MAF: variants seen among roughly 807,000 people sequenced by gnomAD.
MAF encodes the protein transcription factor Maf.
A neutral mutation model predicts 22.0 loss-of-function variants in MAF; 10 were observed. That is an observed-to-expected ratio of 0.45 (90% CI 0.28 to 0.77). The LOEUF is 0.77. Ranked by LOEUF, MAF falls within the 30% of genes least tolerant of loss-of-function variation. The pLI is 0.12. For missense variants in MAF, 544 were observed against 548.4 expected, an observed-to-expected ratio of 0.99 and a Z score of 0.08; for synonymous variants, 337 against 255.8, an observed-to-expected ratio of 1.32 and a Z score of -3.03.
At chr16:79,520,387 T>C in the MAF span, among the ~76,000 whole-genome samples, 4 of 152,162 alleles carry the variant, frequency 2.6e-5, no homozygotes, top group African/African-American at 7.2e-5. Context: ...CTCCTTCTCA[T>C]CACCAGGAGC....
chr16:79,402,016 A>C, the MAF span, among the ~76,000 whole-genome samples: 1 of 152,150 alleles, frequency 6.6e-6, no homozygotes, highest in Non-Finnish European at 1.5e-5. Context: ...TAAATGCCCA[A>C]AGTCACACAG....
chr16:79,503,973 T>G, the MAF span, among the ~76,000 whole-genome samples: 1 of 152,248 alleles, frequency 6.6e-6, no homozygotes, highest in Non-Finnish European at 1.5e-5. Context: ...GTCTGTAACA[T>G]GTTAACTGTT....
the MAF span, among the ~76,000 whole-genome samples, chr16:79,456,347 G>A: frequency 6.6e-6 from 1 of 152,014 alleles, no homozygotes; most frequent in Non-Finnish European, 1.5e-5. Context: ...TTATCTCCAG[G>A]GACAAATTGT....
chr16:79,325,386 C>A, the MAF span, among the ~76,000 whole-genome samples: 1 of 152,124 alleles, frequency 6.6e-6, no homozygotes. Flanking sequence ...TCATGGAACC[C>A]TTACTACAGC....
At chr16:79,394,284 C>T in the MAF span, among the ~76,000 whole-genome samples, 1 of 152,190 alleles carries the variant, frequency 6.6e-6, no homozygotes, top group Non-Finnish European at 1.5e-5. Flanking sequence ...TTGATTGGAT[C>T]TCTATTCCTG....
the MAF span, among the ~76,000 whole-genome samples, chr16:79,315,955 TCACAATAGCA>T: frequency 6.6e-6 from 1 of 152,240 alleles, no homozygotes; most frequent in Non-Finnish European, 1.5e-5. Context: ...ACTACAGTCC[TCACAATAGCA>T]CCTGCCATTC....
At chr16:79,334,543 G>A in the MAF span, among the ~76,000 whole-genome samples, 1 of 152,110 alleles carries the variant, frequency 6.6e-6, no homozygotes, top group African/African-American at 2.4e-5. Flanking sequence ...TTGATCTTAG[G>A]ATTGTATGAT....
downstream of MAF, among the ~76,000 whole-genome samples, chr16:79,583,738 G>A (rs1164305297): frequency 6.6e-6 from 1 of 152,172 alleles, no homozygotes; most frequent in Non-Finnish European, 1.5e-5. Context: ...AGCCTCAAAG[G>A]GAGATTCAAA....
In MAF at chr16:79,599,990, G is replaced by A. The variant is rs4081752; in HGVS notation, c.-88C>T. The A allele has an allele frequency of 1.8e-3, 2,828 of 1,574,586 alleles. 35 individuals are homozygous for A. The African/African-American group carries it at 0.033, about 18-fold the overall frequency. On this transcript the variant is annotated 5_prime_UTR_variant, in exon 1 of 2. Transcript: ENST00000326043. ...GCGGGCTGTGCTGGGTGGCCAGCGG[G>A]TGAGCCAGCTTGCCGGGCTGGGGCG...
chr16:79,257,606 G>T, the MAF span, among the ~76,000 whole-genome samples: 7 of 152,166 alleles, frequency 4.6e-5, no homozygotes, highest in African/African-American at 1.7e-4. Context: ...AGCCTCAGCC[G>T]AGCTACTTAA....
chr16:79,319,608 G>A, the MAF span, among the ~76,000 whole-genome samples: 9 of 152,102 alleles, frequency 5.9e-5, no homozygotes, highest in African/African-American at 1.7e-4. Context: ...ACAGACAGGT[G>A]GGATTCTTGG....
chr16:79,564,413 C>A, the MAF span, among the ~76,000 whole-genome samples: 2 of 152,232 alleles, frequency 1.3e-5, no homozygotes, highest in Non-Finnish European at 2.9e-5. Context: ...ACAGTGTCAA[C>A]TGGGGACCCA....
chr16:79,596,884 CA>C (rs1182848991), intron 1 of MAF: 3 of 1,048,640 alleles, frequency 2.9e-6, no homozygotes, highest in Admixed American at 5.5e-5. Flanking sequence ...AACAGTTTTG[CA>C]ATTTTTTTTT....
the MAF span, among the ~76,000 whole-genome samples, chr16:79,301,745 C>G: frequency 5.9e-5 from 9 of 152,284 alleles, no homozygotes; most frequent in Non-Finnish European, 2.9e-5. Context: ...CATTTACACA[C>G]ACACATATGT....
the MAF span, among the ~76,000 whole-genome samples, chr16:79,579,643 C>A: frequency 1.3e-5 from 2 of 152,136 alleles, no homozygotes; most frequent in Non-Finnish European, 2.9e-5. Context: ...AATTAAATTT[C>A]AAAGAAATAG....
the MAF span, among the ~76,000 whole-genome samples, chr16:79,307,401 C>T: frequency 5.9e-5 from 9 of 152,214 alleles, no homozygotes; most frequent in East Asian, 1.9e-4. Context: ...CATGAGCTCA[C>T]GGGCTGGACT....
the MAF span, among the ~76,000 whole-genome samples, chr16:79,227,862 G>C: frequency 6.6e-6 from 1 of 151,980 alleles, no homozygotes; most frequent in Non-Finnish European, 1.5e-5. Context: ...AGAAATCCTG[G>C]GTGTAGACCA....
At chr16:79,249,362 T>C in the MAF span, among the ~76,000 whole-genome samples, 2 of 147,452 alleles carry the variant, frequency 1.4e-5, no homozygotes, top group Non-Finnish European at 3.0e-5. Flanking sequence ...GAGGTTGTGG[T>C]GAGCCAAGAT....
chr16:79,448,614 A>G, the MAF span, among the ~76,000 whole-genome samples: 1 of 151,900 alleles, frequency 6.6e-6, no homozygotes, highest in Admixed American at 6.5e-5. Context: ...TTTAGTAGAG[A>G]CAGGGTTTCA....
Sources: gnomAD v4.1 joint callset for allele counts (sites outside exome capture counted in the v4.1 genomes callset) on GRCh38, gnomAD v4.1.1 for gene constraint, MANE v1.5 for transcripts, NCBI Gene and HGNC (gene_info 2026-07-23, HGNC 2026-07-21) for gene names.